PRKN: variants seen among roughly 807,000 people sequenced by gnomAD.
PRKN encodes parkin RBR E3 ubiquitin protein ligase.
PRKN carries 56 observed loss-of-function variants against 59.5 expected under a neutral mutation model. That is an observed-to-expected ratio of 0.94 (90% CI 0.76 to 1.18). The LOEUF (loss-of-function observed/expected upper bound fraction) is 1.18, where lower values mean the gene tolerates loss of function less well. Among genes scored for constraint, PRKN ranks in the 50% most tolerant of loss-of-function variants. The pLI is 0.00. For synonymous variants in PRKN, 250 were observed against 222.1 expected (o/e 1.13, Z -1.12); for missense variants, 657 against 596.4 (o/e 1.10, Z -1.06).
chr6:162,272,032 A>G (rs1215475628), intron 2 of PRKN, among the ~76,000 whole-genome samples: 4 of 151,814 alleles, frequency 2.6e-5, no homozygotes, highest in African/African-American at 9.7e-5. Flanking sequence ...GGGCCTTGTC[A>G]CCTCCATGTC....
chr6:162,265,995 T>G (rs1465764708), intron 2 of PRKN, among the ~76,000 whole-genome samples: 2 of 152,160 alleles, frequency 1.3e-5, no homozygotes, highest in African/African-American at 2.4e-5. Flanking sequence ...CCTCCAGCTG[T>G]GCACAGCCTC....
intron 2 of PRKN, among the ~76,000 whole-genome samples, chr6:162,343,692 GGTGT>G (rs35443956): frequency 6.6e-6 from 1 of 151,714 alleles, no homozygotes; most frequent in Non-Finnish European, 1.5e-5. Flanking sequence ...TCATGGAAGG[GGTGT>G]GTGTGTGTAT....
intron 1 of PRKN, among the ~76,000 whole-genome samples, chr6:162,691,737 A>G (rs991704867): frequency 1.3e-5 from 2 of 152,236 alleles, no homozygotes; most frequent in East Asian, 3.8e-4. Flanking sequence ...AAATACTTAG[A>G]AAAAAGTTCC....
At position 161,386,881 on chromosome 6, in the gene PRKN, C is replaced by T; in HGVS notation, c.1084-4G>A. On this transcript the variant is annotated splice_polypyrimidine_tract_variant and splice_region_variant and intron_variant, in intron 9 of 11. Transcript: ENST00000366898. This position sits in a 1 kb window ranked among gnomAD's most constrained non-coding sequence, Gnocchi z 4.3. The stretch of plus-strand genomic sequence containing the variant: ...TACATTCCCGGCAGAAGGCAAACTG[C>T]AAAAGAACACACATCCATTAATTAG... The T allele has an allele frequency of 6.2e-7, 1 of 1,611,928 alleles. No individual in the cohort carries two copies.
At chr6:161,474,240 A>C (rs763196533) in intron 9 of PRKN, among the ~76,000 whole-genome samples, 1 of 152,180 alleles carries the variant, frequency 6.6e-6, no homozygotes, top group African/African-American at 2.4e-5. Flanking sequence ...AGTGCCCAGC[A>C]CAGGGCCTGG....
At position 161,446,869 on chromosome 6, in the gene PRKN, T is replaced by C. The variant is rs753711769; in HGVS notation, c.1084-59992A>G. ...TCAACCCATTTTTCTGCTGTATACA[T>C]AGAAAAGGACAACAGCCACTCCCTC... On this transcript the variant is annotated intron_variant, in intron 9 of 11. Coordinates refer to ENST00000366898, the MANE Select transcript of PRKN (RefSeq NM_004562.3). The surrounding 1 kb of genome is among the most constrained non-coding windows in gnomAD (Gnocchi z 6.2). Among the ~76,000 whole-genome samples, 8 of 152,100 alleles carry C rather than the reference T, an allele frequency of 5.3e-5. No homozygotes were observed. Among genetic ancestry groups the C allele is most frequent in the Non-Finnish European group, 1.2e-4 (8 of 68,030 alleles).
chr6:162,471,190 C>T (rs145069262), intron 1 of PRKN, among the ~76,000 whole-genome samples: 23,144 of 151,982 alleles, frequency 0.15, 1,936 homozygotes, highest in Non-Finnish European at 0.18. Flanking sequence ...ATCCACCTCC[C>T]GGGTTCAAGC....
intron 3 of PRKN, among the ~76,000 whole-genome samples, chr6:162,212,617 A>G (rs1204956949): frequency 6.6e-6 from 1 of 152,202 alleles, no homozygotes; most frequent in Non-Finnish European, 1.5e-5. Context: ...AAACTTAGAG[A>G]AATCTAAACA....
chr6:161,616,175 A>G (rs1782684989), intron 7 of PRKN, among the ~76,000 whole-genome samples: 1 of 152,138 alleles, frequency 6.6e-6, no homozygotes, highest in South Asian at 2.1e-4. Context: ...CTCCTGACAC[A>G]TAGCTCTGTG....
At chr6:161,602,104 T>TTATCTATCGATCTATC (rs145471027) in intron 7 of PRKN, among the ~76,000 whole-genome samples, 11 of 150,420 alleles carry the variant, frequency 7.3e-5, no homozygotes, top group African/African-American at 2.5e-4. Flanking sequence ...TTAGGGGAGA[T>TTATCTATCGATCTATC]TATCTATCTA....
rs542534182 is a variant in PRKN at position 161,561,617 on chromosome 6, C to G, written c.933+7738G>C. ...GCCCCTCTCACAACACAAAAAGTGG[C>G]CTTCCTCCTGTTAGGGGCCGATTCC... On this transcript the variant is annotated intron_variant, in intron 8 of 11. Transcript: ENST00000366898. The surrounding 1 kb of genome is among the most constrained non-coding windows in gnomAD (Gnocchi z 5.0). Among the ~76,000 whole-genome samples the G allele has an allele frequency of 1.3e-5, 2 of 152,274 alleles. No homozygotes were observed. Among genetic ancestry groups the G allele is most frequent in the African/African-American group, 4.8e-5 (2 of 41,572 alleles).
At position 161,444,568 on chromosome 6, in the gene PRKN, G is replaced by A. The variant is rs1789399035; in HGVS notation, c.1084-57691C>T. On this transcript the variant is annotated intron_variant, in intron 9 of 11. Coordinates refer to ENST00000366898, the MANE Select transcript of PRKN (RefSeq NM_004562.3). This position sits in a 1 kb window ranked among gnomAD's most constrained non-coding sequence, Gnocchi z 5.6. ...GTGGGAGACGCAGAGCAGGCATTCA[G>A]TCAGCAAATATTAATTGACGTGGTG... is the stretch of plus-strand genomic sequence containing the variant. 6.6e-6 allele frequency among the ~76,000 whole-genome samples: 1 copy of A among 152,250 alleles called. No individual in the cohort carries two copies. Among genetic ancestry groups the A allele is most frequent in the Non-Finnish European group, 1.5e-5 (1 of 68,044 alleles).
At chr6:161,680,728 T>C (rs1215746384) in intron 7 of PRKN, among the ~76,000 whole-genome samples, 5 of 8,426 alleles carry the variant, frequency 5.9e-4, no homozygotes, top group Non-Finnish European at 7.6e-4. Flanking sequence ...CTGAAATACA[T>C]ATATATATAT....
rs939670787 is a variant in PRKN at position 161,483,214 on chromosome 6, G to A, written c.1083+65640C>T. Among the ~76,000 whole-genome samples, 3 of 150,504 alleles carry A rather than the reference G, an allele frequency of 2.0e-5. No individual in the cohort carries two copies. The highest frequency in any genetic ancestry group is 4.4e-5 in the Non-Finnish European group (3 of 67,838). On this transcript the variant is annotated intron_variant, in intron 9 of 11. Transcript: ENST00000366898. The surrounding 1 kb of genome is among the most constrained non-coding windows in gnomAD (Gnocchi z 5.0). ...AAACATGCATTGTTAATGAGACTTC[G>A]CCAGAGATGCTTAGAGTTAGGTGAA...
At chr6:161,962,872 T>C (rs560971190) in intron 6 of PRKN, among the ~76,000 whole-genome samples, 191 of 150,900 alleles carry the variant, frequency 1.3e-3, no homozygotes, top group Non-Finnish European at 2.2e-3. Context: ...AGGCCAGGCA[T>C]GGTGGCTCAC....
chr6:161,569,316 T>C, intron 8 of PRKN, 39 bp downstream of exon 8: 37 of 1,579,900 alleles, frequency 2.3e-5, no homozygotes, highest in Non-Finnish European at 3.2e-5. Flanking sequence ...CGTCTATCTT[T>C]CATGACAGTC....
intron 1 of PRKN, among the ~76,000 whole-genome samples, chr6:162,517,499 G>A (rs1161875660): frequency 6.6e-6 from 1 of 151,308 alleles, no homozygotes; most frequent in Non-Finnish European, 1.5e-5. Flanking sequence ...CTTGTGATCT[G>A]CCCACTTCGG....
At chr6:161,537,540 C>T (rs977600427) in intron 9 of PRKN, among the ~76,000 whole-genome samples, 1 of 151,862 alleles carries the variant, frequency 6.6e-6, no homozygotes. Context: ...CAAGCTCTGC[C>T]TCCCAGGTTC....
intron 1 of PRKN, among the ~76,000 whole-genome samples, chr6:162,700,063 A>T (rs1441961376): frequency 2.0e-5 from 3 of 152,154 alleles, no homozygotes; most frequent in African/African-American, 7.2e-5. Context: ...TGTTCATTAA[A>T]ATCATTTAGT....
Sources: allele counts gnomAD v4.1 joint callset (sites outside exome capture counted in the v4.1 genomes callset), GRCh38; gene constraint gnomAD v4.1.1; non-coding constraint Gnocchi (gnomAD v3.1); transcripts MANE v1.5; gene names NCBI Gene and HGNC (gene_info 2026-07-23, HGNC 2026-07-21).